Variants in IL31RA observed in about 807,000 individuals in gnomAD.
IL31RA encodes interleukin-31 receptor subunit alpha.
A neutral mutation model predicts 83.7 loss-of-function variants in IL31RA; 66 were observed. The observed-to-expected ratio is 0.79, with a 90% CI of 0.65 to 0.97. The LOEUF (loss-of-function observed/expected upper bound fraction) is 0.97, where lower values mean the gene tolerates loss of function less well. Among genes scored for constraint, IL31RA ranks in the 50% least tolerant of loss-of-function variants. The pLI, the probability that IL31RA is intolerant of heterozygous loss-of-function variation, is 0.00. For missense variants in IL31RA, 798 were observed against 919.4 expected (o/e 0.87, Z 1.71); for synonymous variants, 325 against 329.0 (o/e 0.99, Z 0.13).
rs974486217 is a variant in IL31RA, at chr5:55,919,437, C to G, written c.*2317C>G. 2.0e-5 allele frequency among the ~76,000 whole-genome samples: 3 copies of G among 152,206 alleles called. No homozygotes were observed. Among genetic ancestry groups the G allele is most frequent in the African/African-American group, 7.2e-5 (3 of 41,442 alleles). On this transcript the variant is annotated 3_prime_UTR_variant, in exon 15 of 15. Coordinates refer to ENST00000652347, the MANE Select transcript of IL31RA (RefSeq NM_139017.7). ...CCTCTGGCCCCTGCTCCTTCATCAT[C>G]AAAGCTGGAAGCGTCTTTTGCTGGA...
At position 55,919,769 on chromosome 5, in the gene IL31RA, G is replaced by A. The variant is rs1377054928; in HGVS notation, c.*2649G>A. Reference sequence around the variant, plus strand: ...GCCACACCTTAGCTCTCCTGAGCAGGTTCACAGGATGTGAGCCTCAGAGTT... The same window carrying A: ...GCCACACCTTAGCTCTCCTGAGCAGATTCACAGGATGTGAGCCTCAGAGTT... On this transcript the variant is annotated 3_prime_UTR_variant, in exon 15 of 15. Transcript: ENST00000652347. Among the ~76,000 whole-genome samples, 1 of 152,140 alleles carries A rather than the reference G, an allele frequency of 6.6e-6. No homozygotes were observed. The highest frequency in any genetic ancestry group is 1.5e-5 in the Non-Finnish European group (1 of 68,022).
At chr5:55,860,531 T>C (rs769089685) in intron 2 of IL31RA, among the ~76,000 whole-genome samples, 15 of 152,342 alleles carry the variant, frequency 9.8e-5, no homozygotes, top group South Asian at 6.2e-4. Flanking sequence ...CTTATCTCCA[T>C]AGTTTTTGTG....
chr5:55,904,102 G>A (rs1748987686), intron 8 of IL31RA, among the ~76,000 whole-genome samples: 2 of 152,164 alleles, frequency 1.3e-5, no homozygotes, highest in South Asian at 4.1e-4. Context: ...CTTATAAAGG[G>A]CCCACTGTCT....
At chr5:55,904,876 C>T (rs1749038872) in intron 8 of IL31RA, among the ~76,000 whole-genome samples, 2 of 136,854 alleles carry the variant, frequency 1.5e-5, no homozygotes, top group South Asian at 4.6e-4. Context: ...GTGCCTGTAT[C>T]CAGGATCATC....
At chr5:55,840,476 C>T in the IL31RA span, among the ~76,000 whole-genome samples, 1 of 152,118 alleles carries the variant, frequency 6.6e-6, no homozygotes, top group Non-Finnish European at 1.5e-5. Flanking sequence ...ATGGATTTCA[C>T]AAGGACTAAA....
chr5:55,857,569 G>A lies in IL31RA; in HGVS notation c.64-1940G>A, dbSNP rs567061026. Among the ~76,000 whole-genome samples, 63 of 152,210 alleles carry A rather than the reference G, an allele frequency of 4.1e-4. 2 individuals are homozygous for A. The South Asian group carries it at 0.012, about 29-fold the overall frequency. On this transcript the variant is annotated intron_variant, in intron 1 of 14. Transcript: ENST00000652347. ...ATTTCTCTTTTTAGATGCTCTTTGC[G>A]CTCATTTCACTATTGTAACTATACT...
intron 5 of IL31RA, among the ~76,000 whole-genome samples, chr5:55,884,460 G>A (rs1009181670): frequency 6.6e-6 from 1 of 151,970 alleles, no homozygotes; most frequent in Non-Finnish European, 1.5e-5. Flanking sequence ...TTTTAGACAG[G>A]GTCTCACTCT....
intron 6 of IL31RA, among the ~76,000 whole-genome samples, chr5:55,891,070 C>T (rs532546783): frequency 6.6e-6 from 1 of 152,092 alleles, no homozygotes; most frequent in East Asian, 1.9e-4. Context: ...TGTGTTTAGC[C>T]CATAGTAGAT....
chr5:55,901,477 C>G (rs372265172), intron 8 of IL31RA, among the ~76,000 whole-genome samples: 3 of 151,946 alleles, frequency 2.0e-5, no homozygotes, highest in Non-Finnish European at 2.9e-5. Context: ...ATTAGCTACT[C>G]GTAAAATGGA....
chr5:55,907,511 C>T, intron 10 of IL31RA, 51 bp downstream of exon 10: 1 of 1,227,152 alleles, frequency 8.1e-7, no homozygotes, highest in Non-Finnish European at 1.2e-6. Flanking sequence ...TGACCTGTCC[C>T]ACATGCCGAT....
intron 1 of IL31RA, among the ~76,000 whole-genome samples, chr5:55,854,669 C>G (rs746376237): frequency 6.6e-6 from 1 of 151,098 alleles, no homozygotes; most frequent in Non-Finnish European, 1.5e-5. Flanking sequence ...CACTTGAACC[C>G]GCGAGGCAGA....
At position 55,882,325 on chromosome 5, in the gene IL31RA, AATT is replaced by A. The variant is rs1259606703; in HGVS notation, c.455-714_455-712del. Among the ~76,000 whole-genome samples the A allele has an allele frequency of 2.6e-5, 4 of 152,218 alleles. No homozygotes were observed. The East Asian group carries it at 7.7e-4, about 29-fold the overall frequency. ...GAACCTTAAAAATCATGTTTTGAAG[AATT>A]ATTAATACAAAGGGATATATGCTGA... On this transcript the variant is annotated intron_variant, in intron 4 of 14. Transcript: ENST00000652347.
At chr5:55,877,799 G>C (rs1422645121) in intron 4 of IL31RA, among the ~76,000 whole-genome samples, 1 of 152,134 alleles carries the variant, frequency 6.6e-6, no homozygotes. Flanking sequence ...ATGTGTCTTA[G>C]TGTGGGTCTC....
At chr5:55,884,054 T>C (rs922635424) in intron 5 of IL31RA, among the ~76,000 whole-genome samples, 1 of 152,344 alleles carries the variant, frequency 6.6e-6, no homozygotes, top group Middle Eastern at 3.4e-3. Flanking sequence ...CCTTTTCACA[T>C]GTTTATTGGC....
At chr5:55,900,263 T>C (rs1748733295) in intron 8 of IL31RA, 131 bp downstream of exon 8, 1 of 736,428 alleles carries the variant, frequency 1.4e-6, no homozygotes, top group East Asian at 2.5e-5. Context: ...TTTTAGGTTG[T>C]GGTGAAGCAA....
the IL31RA span, among the ~76,000 whole-genome samples, chr5:55,845,020 A>G: frequency 1.3e-5 from 2 of 152,092 alleles, no homozygotes; most frequent in East Asian, 3.8e-4. Context: ...CAAATTGTCT[A>G]CTTTTTCCAC....
At chr5:55,904,580 G>A (rs908365961) in intron 8 of IL31RA, among the ~76,000 whole-genome samples, 23 of 152,306 alleles carry the variant, frequency 1.5e-4, no homozygotes, top group African/African-American at 5.5e-4. Context: ...TGCCTCAGTT[G>A]TCCTTCTCAG....
intron 7 of IL31RA, among the ~76,000 whole-genome samples, chr5:55,897,344 C>T (rs1748466712): frequency 6.6e-6 from 1 of 151,822 alleles, no homozygotes; most frequent in African/African-American, 2.4e-5. Context: ...CGCTGGTCCC[C>T]CTCCTCTTTG....
At position 55,899,376 on chromosome 5, in the gene IL31RA, C is replaced by T. The variant is rs529159775; in HGVS notation, c.853-540C>T. On this transcript the variant is annotated intron_variant, in intron 7 of 14. Transcript: ENST00000652347. ...CCTCAGGATTCCACCTTAAACTTCTCGCCAAGGGTTTGGGACTGGCAGTGC... is the reference window on the plus strand; with the variant it reads ...CCTCAGGATTCCACCTTAAACTTCTTGCCAAGGGTTTGGGACTGGCAGTGC... Among the ~76,000 whole-genome samples the T allele has an allele frequency of 8.5e-5, 13 of 152,310 alleles. No individual in the cohort carries two copies. In the East Asian group the frequency reaches 9.6e-4, roughly 11 times the overall value.
Sources: allele counts gnomAD v4.1 joint callset (sites outside exome capture counted in the v4.1 genomes callset), GRCh38; gene constraint gnomAD v4.1.1; transcripts MANE v1.5; gene names NCBI Gene and HGNC (gene_info 2026-07-23, HGNC 2026-07-21).